The following SYNDIG1 variants were observed in gnomAD, a reference collection of about 807,000 sequenced individuals.
SYNDIG1 encodes the protein synapse differentiation-inducing gene protein 1.
SYNDIG1 carries 9 observed loss-of-function variants against 19.4 expected under a neutral mutation model. The ratio of observed to expected loss-of-function variants is 0.46; its 90% CI spans 0.28 to 0.81. The LOEUF is 0.81. SYNDIG1 is among the 30% of genes least tolerant of loss of function. The pLI is 0.12. For missense variants in SYNDIG1, 311 were observed against 343.3 expected (o/e 0.91, Z 0.74); for synonymous variants, 141 against 145.9 (o/e 0.97, Z 0.24).
At position 24,543,497 on chromosome 20, in the gene SYNDIG1, A is replaced by G. The variant is rs2057511713; in HGVS notation, c.400A>G (p.Ile134Val). Residue 134 changes from isoleucine to valine, a missense_variant, in exon 2 of 4, where the codon ATT (isoleucine) becomes GTT (valine). Coordinates refer to ENST00000376862, the MANE Select transcript of SYNDIG1 (RefSeq NM_024893.3). ...CCTCGAGTACCCGGATGGGAAGTTC[A>G]TTGACCTCTCAGCTGATGACATAAA... ...DSLEYPDGKF[I>V]DLSADDIKIH... 6.2e-7 allele frequency: 1 copy of G among 1,612,182 alleles called. No individual in the cohort carries two copies. The highest frequency in any genetic ancestry group is 8.5e-7 in the Non-Finnish European group (1 of 1,180,010).
At chr20:24,512,133 ATATATATATAT>A (rs2056758580) in intron 1 of SYNDIG1, among the ~76,000 whole-genome samples, 1 of 131,658 alleles carries the variant, frequency 7.6e-6, no homozygotes, top group Non-Finnish European at 1.6e-5. Context: ...ATATATATAT[ATATATATATAT>A]ATATATATAT....
At chr20:24,609,026 C>T (rs1600734624) in intron 3 of SYNDIG1, among the ~76,000 whole-genome samples, 1 of 152,146 alleles carries the variant, frequency 6.6e-6, no homozygotes, top group Non-Finnish European at 1.5e-5. Context: ...TATAGATTCT[C>T]ATGGGAATCC....
chr20:24,499,883 G>A (rs537625296), intron 1 of SYNDIG1, among the ~76,000 whole-genome samples: 8 of 152,320 alleles, frequency 5.3e-5, no homozygotes, highest in African/African-American at 1.9e-4. Context: ...TATCAGCCAA[G>A]GGAGTGGGGT....
chr20:24,582,318 C>T (rs1242881064), intron 2 of SYNDIG1, among the ~76,000 whole-genome samples: 2 of 112,626 alleles, frequency 1.8e-5, no homozygotes, highest in Admixed American at 1.7e-4. Flanking sequence ...GCCCTCCCCT[C>T]TCATGCTGTC....
intron 3 of SYNDIG1, among the ~76,000 whole-genome samples, chr20:24,659,481 T>C (rs1023071670): frequency 1.2e-4 from 19 of 152,212 alleles, no homozygotes; most frequent in African/African-American, 4.3e-4. Context: ...CTAGCATCAA[T>C]GCTGCAGCAT....
intron 1 of SYNDIG1, among the ~76,000 whole-genome samples, chr20:24,536,198 C>G (rs1276284359): frequency 6.6e-6 from 1 of 152,158 alleles, no homozygotes; most frequent in Non-Finnish European, 1.5e-5. Context: ...AGCTGGGCAG[C>G]CTGGGAGCCC....
intron 1 of SYNDIG1, among the ~76,000 whole-genome samples, chr20:24,482,054 A>G (rs2055812922): frequency 6.6e-6 from 1 of 152,242 alleles, no homozygotes; most frequent in African/African-American, 2.4e-5. Context: ...ATGCTTAATA[A>G]TCCTCACAGA....
At chr20:24,483,801 G>A (rs578175280) in intron 1 of SYNDIG1, among the ~76,000 whole-genome samples, 1 of 152,176 alleles carries the variant, frequency 6.6e-6, no homozygotes, top group South Asian at 2.1e-4. Context: ...CATGGAAGAA[G>A]GGCATTCAGA....
chr20:24,654,483 C>A (rs1426113546), intron 3 of SYNDIG1, among the ~76,000 whole-genome samples: 1 of 151,872 alleles, frequency 6.6e-6, no homozygotes, highest in African/African-American at 2.4e-5. Flanking sequence ...ATATGATAGC[C>A]AAATACTATC....
At chr20:24,616,989 G>T (rs967482317) in intron 3 of SYNDIG1, among the ~76,000 whole-genome samples, 5 of 152,110 alleles carry the variant, frequency 3.3e-5, no homozygotes, top group Non-Finnish European at 7.4e-5. Context: ...AGGTGGCTTC[G>T]GTGGCTTCTG....
At chr20:24,491,788 A>G (rs1351971164) in intron 1 of SYNDIG1, 1 of 152,270 alleles carries the variant, frequency 6.6e-6, no homozygotes, top group Non-Finnish European at 1.5e-5. Flanking sequence ...TCACTAAGTC[A>G]TAAGTCTCTG....
intron 2 of SYNDIG1, among the ~76,000 whole-genome samples, chr20:24,581,562 T>G (rs1405462478): frequency 6.6e-6 from 1 of 151,852 alleles, no homozygotes; most frequent in African/African-American, 2.4e-5. Context: ...AGCTCAGCAG[T>G]TCCAAAACCA....
chr20:24,470,889 A>T lies in SYNDIG1; in HGVS notation c.-79+1136A>T, dbSNP rs149945232. Among the ~76,000 whole-genome samples, 793 of 150,688 alleles carry T rather than the reference A, an allele frequency of 5.3e-3. 9 individuals are homozygous for T. The highest frequency in any genetic ancestry group is 0.018 in the African/African-American group (754 of 40,854). On this transcript the variant is annotated intron_variant, in intron 1 of 3. Coordinates refer to ENST00000376862, the MANE Select transcript of SYNDIG1 (RefSeq NM_024893.3). ...GCCGCGGCGCTCCTGGCTCGGACCG[A>T]TGCCTGCGCCTTCCCTGGCCACGTC...
At chr20:24,639,019 C>A (rs2059345702) in intron 3 of SYNDIG1, among the ~76,000 whole-genome samples, 1 of 152,060 alleles carries the variant, frequency 6.6e-6, no homozygotes, top group Non-Finnish European at 1.5e-5. Flanking sequence ...ACATCAGCAG[C>A]AGGTGTCTGA....
At chr20:24,527,524 CTTTCT>C (rs11474241) in intron 1 of SYNDIG1, among the ~76,000 whole-genome samples, 3 of 146,398 alleles carry the variant, frequency 2.0e-5, no homozygotes, top group South Asian at 2.2e-4. Flanking sequence ...TTTTTTTTTC[CTTTCT>C]TTTCTTTTCT....
At position 24,654,692 on chromosome 20, in the gene SYNDIG1, G is replaced by GGAAGGAAA. The variant is rs1568718688; in HGVS notation, c.619-10647_619-10646insAGAAGGAA. On this transcript the variant is annotated intron_variant, in intron 3 of 3. Coordinates refer to ENST00000376862, the MANE Select transcript of SYNDIG1 (RefSeq NM_024893.3). ...AGGAAGGAAGGAAGGAAGGAAGGAA[G>GGAAGGAAA]GAAGGAAGAGTTAGAGAATTCACTG... Among the ~76,000 whole-genome samples the GGAAGGAAA allele has an allele frequency of 1.7e-3, 262 of 150,744 alleles. 3 individuals carry two copies. Among genetic ancestry groups the GGAAGGAAA allele is most frequent in the African/African-American group, 6.3e-3 (256 of 40,862 alleles).
chr20:24,578,378 G>A (rs993114276), intron 2 of SYNDIG1, among the ~76,000 whole-genome samples: 1 of 151,382 alleles, frequency 6.6e-6, no homozygotes, highest in South Asian at 2.1e-4. Flanking sequence ...GGGAGGCGGA[G>A]GTTGCAGCGA....
intron 3 of SYNDIG1, among the ~76,000 whole-genome samples, chr20:24,649,788 C>T (rs1333374092): frequency 6.6e-6 from 1 of 152,196 alleles, no homozygotes; most frequent in Non-Finnish European, 1.5e-5. Flanking sequence ...TGAAAGGGGT[C>T]ACCCATGTCA....
In SYNDIG1 at chr20:24,537,848, G is replaced by A. The variant is rs139614294; in HGVS notation, c.-78-5172G>A. Among the ~76,000 whole-genome samples the A allele has an allele frequency of 1.2e-3, 176 of 152,050 alleles. 1 individual carries two copies. The highest frequency in any genetic ancestry group is 4.1e-3 in the African/African-American group (168 of 41,458). ...TCCTTGACTTTCTGCTGTCATCTGT[G>A]GTTCCTTGACATCCTAGGATGTGAA... On this transcript the variant is annotated intron_variant, in intron 1 of 3. Coordinates refer to ENST00000376862, the MANE Select transcript of SYNDIG1 (RefSeq NM_024893.3).
Sources: gnomAD v4.1 joint callset for allele counts (sites outside exome capture counted in the v4.1 genomes callset) on GRCh38, gnomAD v4.1.1 for gene constraint, MANE v1.5 for transcripts, NCBI Gene and HGNC (gene_info 2026-07-23, HGNC 2026-07-21) for gene names.